NBEA: variants seen among roughly 807,000 people sequenced by gnomAD.
NBEA encodes the protein neurobeachin.
Under a neutral mutation model 343.4 loss-of-function variants are expected in NBEA, and 44 were observed. The observed-to-expected ratio is 0.13, with a 90% CI of 0.10 to 0.16. NBEA has a LOEUF of 0.16. Among genes scored for constraint, NBEA ranks in the 10% least tolerant of loss-of-function variants. The pLI, the probability that NBEA is intolerant of heterozygous loss-of-function variation, is 1.00. For synonymous variants in NBEA, 1,175 were observed against 1,238.7 expected (o/e 0.95, Z 1.08); for missense variants, 2,555 against 3,631.3 (o/e 0.70, Z 7.62).
intron 1 of NBEA, among the ~76,000 whole-genome samples, chr13:34,985,660 G>A (rs909801381): frequency 4.0e-5 from 6 of 150,852 alleles, no homozygotes; most frequent in Admixed American, 1.3e-4. Flanking sequence ...TTGTGAATCC[G>A]TCTGGTCCTG....
At chr13:35,358,039 T>A (rs2040593265) in intron 38 of NBEA, among the ~76,000 whole-genome samples, 2 of 152,092 alleles carry the variant, frequency 1.3e-5, no homozygotes, top group African/African-American at 4.8e-5. Flanking sequence ...TTTTTTCAAT[T>A]GAGATGGAGT....
chr13:35,416,887 G>T (rs892660726), intron 38 of NBEA, among the ~76,000 whole-genome samples: 6 of 152,190 alleles, frequency 3.9e-5, no homozygotes, highest in Non-Finnish European at 7.4e-5. Flanking sequence ...TGGTTGGTAG[G>T]CTATTAATTA....
intron 11 of NBEA, among the ~76,000 whole-genome samples, chr13:35,107,949 A>T (rs985544341): frequency 1.2e-4 from 18 of 152,052 alleles, no homozygotes; most frequent in African/African-American, 3.9e-4. Context: ...TCTAGTTTAC[A>T]CATTGTTGTT....
chr13:35,289,885 T>C (rs903382635), intron 34 of NBEA, among the ~76,000 whole-genome samples: 8 of 151,856 alleles, frequency 5.3e-5, no homozygotes, highest in African/African-American at 1.9e-4. Flanking sequence ...TTTATTATTT[T>C]TAAAATTATT....
At chr13:35,442,365 G>A (rs537079168) in intron 39 of NBEA, among the ~76,000 whole-genome samples, 1 of 152,076 alleles carries the variant, frequency 6.6e-6, no homozygotes, top group South Asian at 2.1e-4. Context: ...GCGATTTTTA[G>A]TATAATGAAA....
rs769896169 is a variant in NBEA at position 35,010,726 on chromosome 13, C to CAAAAA, written c.295-30195_295-30191dup. 3.1e-3 allele frequency among the ~76,000 whole-genome samples: 30 copies of CAAAAA among 9,696 alleles called. 3 individuals are homozygous for CAAAAA. The highest frequency in any genetic ancestry group is 8.7e-3 in the African/African-American group (28 of 3,208). 6.4% of individuals were successfully genotyped at this position (9,696 alleles called of 152,430 possible). A position where few individuals can be genotyped will look rare whatever the true frequency, so the allele number is the denominator to read the frequency against. ...ACAACATAGCAAGACTGGGTCTCTA[C>CAAAAA]AAAAAAAAAAAAAAAATATATATAT... On this transcript the variant is annotated intron_variant, in intron 1 of 58. Transcript: ENST00000379939.
chr13:35,298,205 GTGTGTGTATATATATA>G (rs1468474926), intron 35 of NBEA, among the ~76,000 whole-genome samples: 31 of 14,536 alleles, frequency 2.1e-3, no homozygotes, highest in Admixed American at 9.0e-3. Context: ...GTGTGTGTGT[GTGTGTGTATATATATA>G]TATATATATA....
At chr13:35,575,715 A>G (rs1234665945) in intron 45 of NBEA, among the ~76,000 whole-genome samples, 1 of 152,170 alleles carries the variant, frequency 6.6e-6, no homozygotes, top group East Asian at 1.9e-4. Flanking sequence ...ACAGTTCCCT[A>G]ATATTATCTA....
At chr13:35,305,566 C>G (rs1370503031) in intron 35 of NBEA, among the ~76,000 whole-genome samples, 1 of 152,054 alleles carries the variant, frequency 6.6e-6, no homozygotes, top group African/African-American at 2.4e-5. Context: ...CTAGAAGCTA[C>G]AAGAGCCGGG....
intron 45 of NBEA, among the ~76,000 whole-genome samples, chr13:35,575,408 A>G (rs968057819): frequency 6.6e-6 from 1 of 152,164 alleles, no homozygotes; most frequent in Non-Finnish European, 1.5e-5. Context: ...ACAACCCAAA[A>G]CATAGGAAAG....
At chr13:34,992,732 G>C (rs896879420) in intron 1 of NBEA, among the ~76,000 whole-genome samples, 9 of 151,632 alleles carry the variant, frequency 5.9e-5, no homozygotes, top group African/African-American at 2.2e-4. Context: ...GAGTGCAGTG[G>C]CATGATCTCA....
chr13:35,499,419 G>GT (rs1355743403), intron 41 of NBEA, among the ~76,000 whole-genome samples: 1 of 152,062 alleles, frequency 6.6e-6, no homozygotes, highest in Non-Finnish European at 1.5e-5. Context: ...TGGAGTCCGT[G>GT]TTGATGCCTG....
intron 41 of NBEA, among the ~76,000 whole-genome samples, chr13:35,511,259 G>A (rs1406319155): frequency 6.6e-6 from 1 of 152,086 alleles, no homozygotes; most frequent in Admixed American, 6.5e-5. Context: ...TGTTCAAGTT[G>A]CTGTGGAATA....
At chr13:35,161,682 TCA>T (rs1376891298) in intron 22 of NBEA, 66 bp from the exon 23 acceptor site, 3 of 1,268,972 alleles carry the variant, frequency 2.4e-6, no homozygotes, top group Non-Finnish European at 3.3e-6. Flanking sequence ...TTTACTATAC[TCA>T]CAGTTTCATT....
At position 35,079,987 on chromosome 13, in the gene NBEA, A is replaced by T. The variant is rs73483940; in HGVS notation, c.1571+9135A>T. Among the ~76,000 whole-genome samples the T allele has an allele frequency of 6.4e-3, 967 of 152,282 alleles. 11 individuals carry two copies. The highest frequency in any genetic ancestry group is 0.022 in the African/African-American group (926 of 41,560). ...TAGGTACCCATACTAAAGACATAGT[A>T]GTAGTAGTAGATTATTATAATAGTA... is the stretch of plus-strand genomic sequence containing the variant. On this transcript the variant is annotated intron_variant, in intron 10 of 58. Transcript: ENST00000379939.
intron 31 of NBEA, among the ~76,000 whole-genome samples, chr13:35,201,509 G>A (rs926862050): frequency 2.6e-5 from 4 of 151,928 alleles, no homozygotes; most frequent in Admixed American, 6.6e-5. Flanking sequence ...AAGTTTCAAC[G>A]TTTTCTTTCA....
intron 38 of NBEA, among the ~76,000 whole-genome samples, chr13:35,411,647 T>TTTGTTGTTGTTG: frequency 6.7e-6 from 1 of 148,644 alleles, no homozygotes; most frequent in South Asian, 2.1e-4. Flanking sequence ...TGTTTTTTGT[T>TTTGTTGTTGTTG]TTGTTGTTGT....
At chr13:35,646,057 A>C in intron 50 of NBEA, 126 bp downstream of exon 50, 1 of 727,124 alleles carries the variant, frequency 1.4e-6, no homozygotes, top group Non-Finnish European at 2.3e-6. Context: ...GGGTTAACTG[A>C]AGCATGTTTG....
At chr13:35,614,281 A>G (rs1178721451) in intron 48 of NBEA, among the ~76,000 whole-genome samples, 6 of 152,096 alleles carry the variant, frequency 3.9e-5, no homozygotes, top group Admixed American at 6.5e-5. Flanking sequence ...CTGCCCTTTT[A>G]TACAAGGAAT....
Sources: allele counts gnomAD v4.1 joint callset (sites outside exome capture counted in the v4.1 genomes callset), GRCh38; gene constraint gnomAD v4.1.1; transcripts MANE v1.5; gene names NCBI Gene and HGNC (gene_info 2026-07-23, HGNC 2026-07-21).